The following CHST9 variants were observed in gnomAD, a reference collection of about 807,000 sequenced individuals.
CHST9 encodes the protein GalNAc-4-sulfotransferase 2.
In CHST9, 41 loss-of-function variants were observed where a neutral mutation model predicts 44.4. The ratio of observed to expected loss-of-function variants is 0.92; its 90% CI spans 0.72 to 1.20. CHST9 has a LOEUF of 1.20. CHST9 is among the 50% of genes most tolerant of loss of function. The probability of loss-of-function intolerance (pLI) is 0.00; values close to 1 mark genes in which losing one functional copy is unlikely to be tolerated. For synonymous variants in CHST9, 171 were observed against 178.4 expected (o/e 0.96, Z 0.33); for missense variants, 504 against 516.5 (o/e 0.98, Z 0.23).
Position 26,916,239 on chromosome 18 carries a change from T to A in CHST9, c.*20A>T. The A allele has an allele frequency of 6.8e-7, 1 of 1,478,044 alleles. No homozygotes were observed. The highest frequency in any genetic ancestry group is 2.2e-4 in the Middle Eastern group (1 of 4,542). 91.6% of individuals were successfully genotyped at this position (1,478,044 alleles called of 1,614,324 possible). ...TTATCATCATTAAGTATATACAGGGTTTTAGAAAATGAATGCAAACTACAA... is the reference window on the plus strand; with the variant it reads ...TTATCATCATTAAGTATATACAGGGATTTAGAAAATGAATGCAAACTACAA... On this transcript the variant is annotated 3_prime_UTR_variant, in exon 6 of 6. Coordinates refer to ENST00000618847, the MANE Select transcript of CHST9 (RefSeq NM_031422.6).
chr18:27,079,426 T>G (rs1598705965), intron 2 of CHST9, among the ~76,000 whole-genome samples: 1 of 152,238 alleles, frequency 6.6e-6, no homozygotes, highest in East Asian at 1.9e-4. Flanking sequence ...TTCTCTTCAC[T>G]ATTTTAAAAA....
At chr18:27,008,337 C>T (rs1347862797) in intron 4 of CHST9, among the ~76,000 whole-genome samples, 1 of 152,218 alleles carries the variant, frequency 6.6e-6, no homozygotes, top group Admixed American at 6.5e-5. Context: ...AGAGAACTGA[C>T]CTAACTAAAG....
intron 5 of CHST9, chr18:26,935,272 A>G (rs1339794405): frequency 1.3e-5 from 2 of 152,214 alleles, no homozygotes; most frequent in African/African-American, 4.8e-5. Flanking sequence ...TTATGAGGCC[A>G]TAAGTGGCTC....
At chr18:27,057,164 G>A (rs747404500) in intron 2 of CHST9, among the ~76,000 whole-genome samples, 1 of 152,334 alleles carries the variant, frequency 6.6e-6, no homozygotes, top group Middle Eastern at 3.4e-3. Flanking sequence ...TCTTGAACAA[G>A]TAACTTGGCT....
intron 1 of CHST9, among the ~76,000 whole-genome samples, chr18:27,176,955 T>C (rs564146918): frequency 1.6e-4 from 25 of 152,182 alleles, no homozygotes; most frequent in Admixed American, 1.4e-3. Flanking sequence ...AAAGTGATCA[T>C]GCAAGAGGAG....
intron 2 of CHST9, among the ~76,000 whole-genome samples, chr18:27,121,044 C>T (rs2058370096): frequency 6.6e-6 from 1 of 152,148 alleles, no homozygotes; most frequent in African/African-American, 2.4e-5. Context: ...CTCTGTCACC[C>T]AGGCTGAAGT....
chr18:27,060,085 A>G (rs1327453679), intron 2 of CHST9, among the ~76,000 whole-genome samples: 1 of 152,212 alleles, frequency 6.6e-6, no homozygotes, highest in African/African-American at 2.4e-5. Flanking sequence ...CCACTTGGGC[A>G]CTTAGGAGAA....
intron 2 of CHST9, among the ~76,000 whole-genome samples, chr18:27,065,584 CT>C (rs56023514): frequency 0.22 from 27,847 of 128,558 alleles, 3,489 homozygotes; most frequent in African/African-American, 0.37. Flanking sequence ...TCGTTCACTG[CT>C]TTTTTTTTTT....
chr18:27,111,468 C>T (rs2058270128), intron 2 of CHST9, among the ~76,000 whole-genome samples: 1 of 152,214 alleles, frequency 6.6e-6, no homozygotes, highest in Non-Finnish European at 1.5e-5. Context: ...CAGAACTACA[C>T]TGCTCAGGAG....
intron 2 of CHST9, among the ~76,000 whole-genome samples, chr18:27,115,904 A>G (rs994410116): frequency 1.3e-5 from 2 of 152,186 alleles, no homozygotes; most frequent in Non-Finnish European, 2.9e-5. Flanking sequence ...ACAATGCTGA[A>G]CACCTTTTAT....
chr18:26,918,719 C>T (rs528491338), intron 5 of CHST9, among the ~76,000 whole-genome samples: 6 of 152,054 alleles, frequency 3.9e-5, no homozygotes, highest in East Asian at 1.9e-4. Context: ...AATGAAGCAC[C>T]GTTCATGGAG....
chr18:26,955,667 G>A (rs2056312655), intron 4 of CHST9, among the ~76,000 whole-genome samples: 1 of 152,146 alleles, frequency 6.6e-6, no homozygotes, highest in Admixed American at 6.5e-5. Flanking sequence ...CAAAAGGTCA[G>A]AGGGAGTCCA....
chr18:27,105,758 A>G (rs956236198), intron 2 of CHST9, among the ~76,000 whole-genome samples: 1 of 152,152 alleles, frequency 6.6e-6, no homozygotes, highest in Admixed American at 6.5e-5. Context: ...AAAACTTTTA[A>G]AAGTTTATTT....
At position 27,087,318 on chromosome 18, in the gene CHST9, CT is replaced by C. The variant is rs546791031; in HGVS notation, c.122-38816del. On this transcript the variant is annotated intron_variant, in intron 2 of 5. Transcript: ENST00000618847. ...GAAGCATGTTTCTGTCTTGTCATCC[CT>C]GTTGACAGTATCTGTGACTTTCAGT... Among the ~76,000 whole-genome samples the C allele has an allele frequency of 4.0e-3, 603 of 152,280 alleles. 2 individuals carry two copies. The highest frequency in any genetic ancestry group is 6.8e-3 in the Middle Eastern group (2 of 294).
chr18:26,917,532 T>C (rs2055559816), intron 5 of CHST9, among the ~76,000 whole-genome samples, 182 bp from the exon 6 acceptor site: 1 of 152,040 alleles, frequency 6.6e-6, no homozygotes, highest in African/African-American at 2.4e-5. Flanking sequence ...TCACAGAAAA[T>C]GTAGCAATGA....
chr18:27,059,069 T>C (rs12964804), intron 2 of CHST9, among the ~76,000 whole-genome samples: 50,609 of 152,038 alleles, frequency 0.33, 9,756 homozygotes, highest in Non-Finnish European at 0.45. Context: ...TCTAAAATTA[T>C]TCCTTTTCAT....
At position 26,916,418 on chromosome 18, in the gene CHST9, T is replaced by G; in HGVS notation, c.1173A>C (p.Lys391Asn). Reference sequence around the variant, plus strand: ...AGTGCCTATCCTTAAAGTTGGGAAATTTCAGCTCCTTTGGAGCACCGATCA... The same window carrying G: ...AGTGCCTATCCTTAAAGTTGGGAAAGTTCAGCTCCTTTGGAGCACCGATCA... The part of the protein sequence containing the change: ...LQMIGAPKEL[K>N]FPNFKDRHSS... The change falls in exon 6 of 6, where the codon AAA becomes AAC. Residue 391 changes from lysine (K) to asparagine (N), a missense_variant. Physicochemically the swap from Lys to Asn is moderately conservative, Grantham distance 94. Transcript: ENST00000618847. 6.2e-7 allele frequency: 1 copy of G among 1,613,788 alleles called. No individual in the cohort carries two copies. The highest frequency in any genetic ancestry group is 8.5e-7 in the Non-Finnish European group (1 of 1,179,746).
At chr18:27,011,346 T>C (rs8090873) in intron 4 of CHST9, among the ~76,000 whole-genome samples, 4,316 of 152,172 alleles carry the variant, frequency 0.028, 218 homozygotes, top group African/African-American at 0.099. Flanking sequence ...CTTCAAACAG[T>C]TCATAGAATC....
intron 3 of CHST9, among the ~76,000 whole-genome samples, chr18:27,038,782 C>T (rs2057416004): frequency 6.6e-6 from 1 of 152,058 alleles, no homozygotes; most frequent in Non-Finnish European, 1.5e-5. Context: ...ATGTAATCTA[C>T]TATTTTCTAT....
Sources: gnomAD v4.1 joint callset for allele counts (sites outside exome capture counted in the v4.1 genomes callset) on GRCh38, gnomAD v4.1.1 for gene constraint, MANE v1.5 for transcripts, NCBI Gene and HGNC (gene_info 2026-07-23, HGNC 2026-07-21) for gene names.